The following CYP17A1 variants were observed in gnomAD, a reference collection of about 807,000 sequenced individuals.
CYP17A1 encodes the protein cytochrome P450 family 17 subfamily A member 1, also known as steroid 17-alpha-hydroxylase/17,20 lyase.
In CYP17A1, 27 loss-of-function variants were observed where a neutral mutation model predicts 38.5. That is an observed-to-expected ratio of 0.70 (90% CI 0.52 to 0.97). CYP17A1 has a LOEUF of 0.97. Ranked by LOEUF, CYP17A1 falls within the 50% of genes least tolerant of loss-of-function variation. CYP17A1 has a pLI of 0.00. For synonymous variants in CYP17A1, 263 were observed against 253.3 expected (o/e 1.04, Z -0.36); for missense variants, 549 against 645.9 (o/e 0.85, Z 1.63).
Position 102,834,117 on chromosome 10 carries a change from GA to G in CYP17A1, c.671del (p.Phe224SerfsTer9). 3 of 1,195,074 alleles carry G rather than the reference GA, an allele frequency of 2.5e-6. No individual in the cohort carries two copies. The highest frequency in any genetic ancestry group is 3.8e-6 in the Non-Finnish European group (3 of 797,090). 74.0% of individuals were successfully genotyped at this position (1,195,074 alleles called of 1,614,324 possible). ...LVDLVPWLKI[F>X]PNKTLEKLKS... ...TTAATTTTTCCAGGGTTTTGTTGGG[GA>G]AAATCTGGGAAATAAAAAGAAATGT... On this transcript the variant is annotated frameshift_variant, in exon 4 of 8. Coordinates refer to ENST00000369887, the MANE Select transcript of CYP17A1 (RefSeq NM_000102.4). LOFTEE classifies it high-confidence loss of function.
intron 6 of CYP17A1, 81 bp downstream of exon 6, chr10:102,832,430 G>C (rs972561054): frequency 9.7e-6 from 9 of 932,336 alleles, no homozygotes; most frequent in Admixed American, 8.5e-5. Context: ...AGCAGGGGCC[G>C]GGGGTAGGGG....
intron 1 of CYP17A1, among the ~76,000 whole-genome samples, chr10:102,835,760 G>A (rs1010924837): frequency 1.3e-5 from 2 of 152,200 alleles, no homozygotes; most frequent in Non-Finnish European, 2.9e-5. Context: ...AACTATGCCT[G>A]TCCAGAGGGT....
At chr10:102,831,112 T>C (rs2134081374) in intron 7 of CYP17A1, 127 bp from the exon 8 acceptor site, 1 of 432,260 alleles carries the variant, frequency 2.3e-6, no homozygotes, top group South Asian at 1.9e-5. Flanking sequence ...AGCCTTATTA[T>C]GGGGGAACCC....
At chr10:102,833,391 G>A in intron 4 of CYP17A1, 183 bp from the exon 5 acceptor site, 13 of 1,153,916 alleles carry the variant, frequency 1.1e-5, no homozygotes, top group Non-Finnish European at 1.6e-5. Context: ...TAAATTTGGT[G>A]GAGAGGTTAG....
chr10:102,837,111 T>A lies in CYP17A1; in HGVS notation c.251A>T (p.Glu84Val). The A allele has an allele frequency of 6.2e-7, 1 of 1,608,322 alleles. No individual in the cohort carries two copies. The highest frequency in any genetic ancestry group is 8.5e-7 in the Non-Finnish European group (1 of 1,174,700). The change falls in exon 1 of 8, where the codon GAG (glutamate) becomes GTG (valine). Residue 84 changes from glutamate (E) to valine (V), a missense_variant. Physicochemically the swap from Glu to Val is moderately radical, Grantham distance 121. This residue lies in a region of CYP17A1 where 289 missense variants were observed against 320.9 expected (regional missense o/e 0.90). Transcript: ENST00000369887. ...VIVGHHQLAKEVLIKKGKDFS... is the reference protein window; with the variant it reads ...VIVGHHQLAKVVLIKKGKDFS... Reference sequence around the variant, plus strand: ...GTCCTTGCCCTTCTTAATAAGCACCTCCTTGGCCAGCTGGTGGTGGCCGAC... The same window carrying A: ...GTCCTTGCCCTTCTTAATAAGCACCACCTTGGCCAGCTGGTGGTGGCCGAC...
chr10:102,832,950 A>G (rs1250311476), intron 5 of CYP17A1, 43 bp downstream of exon 5: 2 of 1,608,540 alleles, frequency 1.2e-6, no homozygotes, highest in South Asian at 1.1e-5. Flanking sequence ...GAGCCCAGAG[A>G]TTGGGCTGGC....
Position 102,830,716 on chromosome 10 carries a change from C to T in CYP17A1, c.1513G>A (p.Glu505Lys), listed in dbSNP as rs1046640598. 1 of 1,594,382 alleles carries T rather than the reference C, an allele frequency of 6.3e-7. No individual in the cohort carries two copies. Among genetic ancestry groups the T allele is most frequent in the African/African-American group, 1.3e-5 (1 of 74,654 alleles). The change falls in exon 8 of 8, where the codon GAG becomes AAG. Residue 505 changes from glutamate to lysine, a missense_variant. This residue lies in a region of CYP17A1 where 257 missense variants were observed against 307.9 expected (regional missense o/e 0.83). Transcript: ENST00000369887. The surrounding 1 kb of genome is among the most constrained non-coding windows in gnomAD (Gnocchi z 4.1). ...AGTTACAGCCTTTAGGTGCTACCCT[C>T]AGCCTGGGCTTCCCTCCAGGCCTGG... The part of the protein sequence containing the change: ...VRQAWREAQA[E>K]GST
intron 7 of CYP17A1, 89 bp downstream of exon 7, chr10:102,831,419 A>G (rs892819368): frequency 7.6e-6 from 12 of 1,572,104 alleles, no homozygotes; most frequent in Non-Finnish European, 9.5e-6. Context: ...TTCTAGCAGC[A>G]AGCTTGGCAG....
At position 102,831,381 on chromosome 10, in the gene CYP17A1, C is replaced by A. The variant is rs976268135; in HGVS notation, c.1243+127G>T. 29 of 1,469,002 alleles carry A rather than the reference C, an allele frequency of 2.0e-5. No homozygotes were observed. The Admixed American group carries it at 3.5e-4, about 18-fold the overall frequency. 91.0% of individuals were successfully genotyped at this position (1,469,002 alleles called of 1,614,324 possible). ...GTCTATGGCAGGATGAGGGTGTCAA[C>A]AGGTCCGTATAGTTGGAGCCAAGAG... On this transcript the variant is annotated intron_variant, in intron 7 of 7. Transcript: ENST00000369887.
In CYP17A1 at chr10:102,830,632, T is replaced by TTTA; in HGVS notation, c.*69_*70insTAA. On this transcript the variant is annotated 3_prime_UTR_variant, in exon 8 of 8. Coordinates refer to ENST00000369887, the MANE Select transcript of CYP17A1 (RefSeq NM_000102.4). The surrounding 1 kb of genome is among the most constrained non-coding windows in gnomAD (Gnocchi z 4.1). Reference sequence around the variant, plus strand: ...AGTAGGGAAGAATGGCGGAGAAGGGTGGGGGGTTGTATCTCTAAATCTGTG... The same window carrying TTTA: ...AGTAGGGAAGAATGGCGGAGAAGGGTTTAGGGGGGTTGTATCTCTAAATCTGTG... 3.6e-6 allele frequency: 3 copies of TTTA among 841,754 alleles called. No homozygotes were observed. Among genetic ancestry groups the TTTA allele is most frequent in the Non-Finnish European group, 5.9e-6 (3 of 505,696 alleles). The allele number at this position is 841,754 out of a possible 1,614,324, so 52.1% of individuals were successfully genotyped here.
chr10:102,831,866 C>T (rs3020721), intron 6 of CYP17A1, among the ~76,000 whole-genome samples: 3 of 152,080 alleles, frequency 2.0e-5, no homozygotes, highest in Non-Finnish European at 2.9e-5. Context: ...TGTGGGTGTG[C>T]GTTTGGAGCT....
chr10:102,831,633 A>C, intron 6 of CYP17A1, 22 bp from the exon 7 acceptor site: 1 of 1,612,636 alleles, frequency 6.2e-7, no homozygotes, highest in East Asian at 2.2e-5. Flanking sequence ...TGGAAGAGGA[A>C]AAGTGGGTCT....
In CYP17A1 at chr10:102,832,162, C is replaced by T. The variant is rs985223514; in HGVS notation, c.1139+349G>A. Reference sequence around the variant, plus strand: ...AATCTTGGCTCACTGCAACCTCCGCCGCCTTGGTTCAAGTGATTCTCCTGC... The same window carrying T: ...AATCTTGGCTCACTGCAACCTCCGCTGCCTTGGTTCAAGTGATTCTCCTGC... On this transcript the variant is annotated intron_variant, in intron 6 of 7. Coordinates refer to ENST00000369887, the MANE Select transcript of CYP17A1 (RefSeq NM_000102.4). Among the ~76,000 whole-genome samples, 4 of 152,254 alleles carry T rather than the reference C, an allele frequency of 2.6e-5. No homozygotes were observed. The East Asian group carries it at 5.8e-4, about 22-fold the overall frequency.
intron 1 of CYP17A1, 120 bp downstream of exon 1, chr10:102,836,945 T>A (rs866157727): frequency 2.7e-4 from 208 of 772,500 alleles, no homozygotes; most frequent in Middle Eastern, 1.4e-3. Flanking sequence ...ATCCCACTAG[T>A]CTACTTTGGG....
rs886046666 is a variant in CYP17A1 at position 102,830,635 on chromosome 10, G to T, written c.*67C>A. ...AGGGAAGAATGGCGGAGAAGGGTGG[G>T]GGGTTGTATCTCTAAATCTGTGTTG... On this transcript the variant is annotated 3_prime_UTR_variant, in exon 8 of 8. Transcript: ENST00000369887. The surrounding 1 kb of genome is among the most constrained non-coding windows in gnomAD (Gnocchi z 4.1). 3.5e-6 allele frequency: 3 copies of T among 868,628 alleles called. No individual in the cohort carries two copies. The highest frequency in any genetic ancestry group is 2.8e-5 in the South Asian group (2 of 70,858). 53.8% of individuals were successfully genotyped at this position (868,628 alleles called of 1,614,324 possible). A position where few individuals can be genotyped will look rare whatever the true frequency, so the allele number is the denominator to read the frequency against.
intron 6 of CYP17A1, 147 bp downstream of exon 6, chr10:102,832,364 G>T (rs1844102053): frequency 7.2e-6 from 5 of 691,964 alleles, no homozygotes; most frequent in Non-Finnish European, 1.3e-5. Flanking sequence ...GAGCCACCGT[G>T]CCCGGCCGGC....
intron 4 of CYP17A1, chr10:102,833,440 T>G: frequency 1.6e-6 from 1 of 620,086 alleles, no homozygotes; most frequent in Non-Finnish European, 2.6e-6. Context: ...CACTTTTCGA[T>G]CCCAACTCCT....
rs764758497 is a variant in CYP17A1 at position 102,830,877 on chromosome 10, T to G, written c.1352A>C (p.Glu451Ala). The G allele has an allele frequency of 1.9e-6, 3 of 1,587,776 alleles. No individual in the cohort carries two copies. The South Asian group carries it at 3.4e-5, about 18-fold the overall frequency. The change falls in exon 8 of 8, where the codon GAG (glutamate) becomes GCG (alanine). Residue 451 changes from glutamate (E) to alanine (A), a missense_variant. Glu to Ala is a moderately radical substitution (Grantham distance 107). Around this residue, in one of 3 missense-constraint regions of CYP17A1, gnomAD observed 257 missense variants for 307.9 expected, o/e 0.83. Coordinates refer to ENST00000369887, the MANE Select transcript of CYP17A1 (RefSeq NM_000102.4). The surrounding 1 kb of genome is among the most constrained non-coding windows in gnomAD (Gnocchi z 4.1). ...SCIGEILARQ[E>A]LFLIMAWLLQ... ...CAGCCAGGCCATGATGAGGAAGAGC[T>G]CCTGGCGGGCCAGGATCTCACCTAT...
chr10:102,834,841 C>T lies in CYP17A1; in HGVS notation c.610G>A (p.Gly204Ser). 1 of 1,614,092 alleles carries T rather than the reference C, an allele frequency of 6.2e-7. No individual in the cohort carries two copies. Among genetic ancestry groups the T allele is most frequent in the East Asian group, 2.2e-5 (1 of 44,882 alleles). ...TCTTTGCTCAGGTTGTCTATGATGC[C>T]TTCATTGTAATTCTGTATGACATTC... Reference protein sequence around the residue: ...ELNVIQNYNEGIIDNLSKDSL... With the variant: ...ELNVIQNYNESIIDNLSKDSL... Residue 204 changes from glycine (G) to serine (S), a missense_variant, in exon 3 of 8, where the codon GGC (glycine) becomes AGC (serine). Transcript: ENST00000369887.
Sources: allele counts gnomAD v4.1 joint callset (sites outside exome capture counted in the v4.1 genomes callset), GRCh38; gene constraint gnomAD v4.1.1; regional missense constraint gnomAD v4.1.1; non-coding constraint Gnocchi (gnomAD v3.1); transcripts MANE v1.5; gene names NCBI Gene and HGNC (gene_info 2026-07-23, HGNC 2026-07-21).